The following MAPK10 variants were observed in gnomAD, a reference collection of about 807,000 sequenced individuals.
The protein encoded by MAPK10 is mitogen-activated protein kinase 10.
Under a neutral mutation model 59.3 loss-of-function variants are expected in MAPK10, and 25 were observed. The observed-to-expected ratio is 0.42, with a 90% confidence interval of 0.31 to 0.59. MAPK10 has a LOEUF of 0.59. Among genes scored for constraint, MAPK10 ranks in the 20% least tolerant of loss-of-function variants. MAPK10 has a pLI of 0.15. For missense variants in MAPK10, 351 were observed against 568.9 expected (o/e 0.62, Z 3.90); for synonymous variants, 190 against 200.5 (o/e 0.95, Z 0.44).
intron 1 of MAPK10, among the ~76,000 whole-genome samples, chr4:86,508,925 A>C (rs923465556): frequency 6.6e-6 from 1 of 152,192 alleles, no homozygotes; most frequent in Non-Finnish European, 1.5e-5. Flanking sequence ...CATGTTTTTA[A>C]ATTAATGGCC....
intron 1 of MAPK10, among the ~76,000 whole-genome samples, chr4:86,576,690 G>C (rs1307697667): frequency 6.6e-6 from 1 of 151,940 alleles, no homozygotes; most frequent in Non-Finnish European, 1.5e-5. Context: ...CAGGAGAATG[G>C]CATGAACCCG....
chr4:86,553,710 G>C (rs1266454794), intron 1 of MAPK10, among the ~76,000 whole-genome samples: 1 of 152,084 alleles, frequency 6.6e-6, no homozygotes, highest in African/African-American at 2.4e-5. Flanking sequence ...ATTCTACCCA[G>C]TTCTGTGAGG....
At chr4:86,304,105 A>G (rs2095519003) in intron 2 of MAPK10, among the ~76,000 whole-genome samples, 1 of 152,166 alleles carries the variant, frequency 6.6e-6, no homozygotes, top group Non-Finnish European at 1.5e-5. Context: ...CTGGAAAAGT[A>G]AGTATTTGGA....
chr4:86,260,562 C>G (rs1453529260), intron 2 of MAPK10, among the ~76,000 whole-genome samples: 3 of 152,034 alleles, frequency 2.0e-5, no homozygotes, highest in Non-Finnish European at 4.4e-5. Context: ...AGGGAGAGTT[C>G]TTAGGCACCC....
At chr4:86,057,860 T>A (rs2044926565) in intron 11 of MAPK10, among the ~76,000 whole-genome samples, 1 of 149,474 alleles carries the variant, frequency 6.7e-6, no homozygotes, top group Non-Finnish European at 1.5e-5. Context: ...GTGAAAGAGG[T>A]CTTTCCTATG....
chr4:86,155,265 A>G (rs2067436846), intron 4 of MAPK10, among the ~76,000 whole-genome samples: 1 of 152,130 alleles, frequency 6.6e-6, no homozygotes, highest in Non-Finnish European at 1.5e-5. Flanking sequence ...TAAATTGTTT[A>G]TCTGCATAGT....
intron 2 of MAPK10, among the ~76,000 whole-genome samples, chr4:86,350,731 T>C (rs1730898152): frequency 3.3e-5 from 5 of 152,194 alleles, no homozygotes; most frequent in Admixed American, 3.3e-4. Flanking sequence ...GTAGGGCAAT[T>C]ATACGGTAAC....
chr4:86,447,623 T>G (rs1283315014), intron 1 of MAPK10, among the ~76,000 whole-genome samples: 1 of 152,160 alleles, frequency 6.6e-6, no homozygotes, highest in African/African-American at 2.4e-5. Flanking sequence ...TCCAAGCAAC[T>G]CAGTTCCTCT....
intron 2 of MAPK10, among the ~76,000 whole-genome samples, chr4:86,275,330 C>T (rs1351388358): frequency 1.3e-5 from 2 of 151,944 alleles, no homozygotes; most frequent in African/African-American, 2.4e-5. Context: ...TAAAGAAGAT[C>T]TCAACTCAAA....
At chr4:86,423,732 A>G (rs971877484) in intron 1 of MAPK10, among the ~76,000 whole-genome samples, 2 of 144,572 alleles carry the variant, frequency 1.4e-5, no homozygotes, top group Non-Finnish European at 3.0e-5. Context: ...TTTCCCTGGA[A>G]TGAGGGCTGC....
chr4:86,350,041 T>C (rs962417072), intron 2 of MAPK10, among the ~76,000 whole-genome samples: 1 of 152,072 alleles, frequency 6.6e-6, no homozygotes, highest in African/African-American at 2.4e-5. Context: ...GATGGGAGTA[T>C]GACATATCAT....
intron 1 of MAPK10, among the ~76,000 whole-genome samples, chr4:86,400,798 A>G (rs1743609640): frequency 6.6e-6 from 1 of 152,160 alleles, no homozygotes; most frequent in Non-Finnish European, 1.5e-5. Flanking sequence ...CCTAACGGCA[A>G]AAGTTCAAAG....
At chr4:86,091,654 C>T (rs1480077415) in intron 9 of MAPK10, among the ~76,000 whole-genome samples, 1 of 148,170 alleles carries the variant, frequency 6.7e-6, no homozygotes, top group Non-Finnish European at 1.5e-5. Context: ...GCTTTAGCAC[C>T]AGTTGGTTCT....
At chr4:86,460,234 G>T (rs2149060805) in intron 1 of MAPK10, among the ~76,000 whole-genome samples, 1 of 152,272 alleles carries the variant, frequency 6.6e-6, no homozygotes, top group South Asian at 2.1e-4. Context: ...ACATAGTTGG[G>T]TATTGATAAA....
intron 2 of MAPK10, among the ~76,000 whole-genome samples, chr4:86,316,343 C>A (rs893143701): frequency 6.6e-5 from 10 of 152,022 alleles, no homozygotes. Context: ...ATTGACCAAA[C>A]AACTTAAAAC....
At chr4:86,073,172 T>C (rs1298566621) in intron 9 of MAPK10, among the ~76,000 whole-genome samples, 1 of 118,372 alleles carries the variant, frequency 8.4e-6, no homozygotes, top group Non-Finnish European at 1.8e-5. Context: ...TTTTCTAGTT[T>C]ATTTGCGTAG....
At chr4:86,303,289 C>A (rs374967886) in intron 2 of MAPK10, among the ~76,000 whole-genome samples, 8 of 152,266 alleles carry the variant, frequency 5.3e-5, no homozygotes, top group African/African-American at 1.7e-4. Flanking sequence ...CTCTAAGTAA[C>A]CAATTCCCCC....
At chr4:86,544,417 C>T (rs1758980859) in intron 1 of MAPK10, among the ~76,000 whole-genome samples, 1 of 152,196 alleles carries the variant, frequency 6.6e-6, no homozygotes, top group Admixed American at 6.5e-5. Context: ...GTAGTTACTG[C>T]CTACATACTA....
Position 86,274,431 on chromosome 4 carries a change from A to C in MAPK10, c.-6-80024T>G, listed in dbSNP as rs996871535. ...TGCATCTCTTGGAAAATGTTAAAAGAGATCTAATGTATAATCTTTTTTTTT... is the reference window on the plus strand; with the variant it reads ...TGCATCTCTTGGAAAATGTTAAAAGCGATCTAATGTATAATCTTTTTTTTT... On this transcript the variant is annotated intron_variant, in intron 2 of 13. Coordinates refer to ENST00000641462, the MANE Select transcript of MAPK10 (RefSeq NM_138982.4). Among the ~76,000 whole-genome samples the C allele has an allele frequency of 2.0e-5, 3 of 151,986 alleles. No individual in the cohort carries two copies. In the South Asian group the frequency reaches 6.2e-4, roughly 31 times the overall value.
Sources: allele counts gnomAD v4.1 joint callset (sites outside exome capture counted in the v4.1 genomes callset), GRCh38; gene constraint gnomAD v4.1.1; transcripts MANE v1.5; gene names NCBI Gene and HGNC (gene_info 2026-07-23, HGNC 2026-07-21).